Variants in HDAC9 observed in about 807,000 individuals in gnomAD.
HDAC9 encodes MEF-2 interacting transcription repressor (MITR) protein.
Under a neutral mutation model 139.4 loss-of-function variants are expected in HDAC9, and 41 were observed. That is an observed-to-expected ratio of 0.29 (90% CI 0.23 to 0.38). HDAC9 has a LOEUF of 0.38. Among genes scored for constraint, HDAC9 ranks in the 10% least tolerant of loss-of-function variants. HDAC9 has a pLI of 1.00. For synonymous variants in HDAC9, 517 were observed against 476.2 expected (o/e 1.09, Z -1.12); for missense variants, 1,147 against 1,297.0 (o/e 0.88, Z 1.78).
At chr7:18,351,064 T>A (rs1450176543) in intron 1 of HDAC9, among the ~76,000 whole-genome samples, 2 of 152,176 alleles carry the variant, frequency 1.3e-5, no homozygotes, top group Non-Finnish European at 2.9e-5. Flanking sequence ...TCCTCTTAAC[T>A]CCTTTTTTTC....
chr7:18,872,480 G>A (rs919002380), intron 21 of HDAC9, among the ~76,000 whole-genome samples: 3 of 152,122 alleles, frequency 2.0e-5, no homozygotes, highest in Non-Finnish European at 4.4e-5. Context: ...TAAGAAAAGG[G>A]CACTATAAAG....
chr7:18,982,428 CCTTA>C (rs1162393128), intron 25 of HDAC9, among the ~76,000 whole-genome samples: 2 of 152,150 alleles, frequency 1.3e-5, no homozygotes, highest in Middle Eastern at 3.4e-3. Flanking sequence ...ATAATTCCTG[CCTTA>C]CTTCTAACAT....
At chr7:18,857,216 CTG>C (rs1171461648) in intron 21 of HDAC9, among the ~76,000 whole-genome samples, 1 of 150,510 alleles carries the variant, frequency 6.6e-6, no homozygotes, top group East Asian at 1.9e-4. Flanking sequence ...TTTTTTTTAA[CTG>C]TGTTGCAGCA....
chr7:18,154,627 C>G (rs541095982), intron 1 of HDAC9, among the ~76,000 whole-genome samples: 1 of 152,150 alleles, frequency 6.6e-6, no homozygotes, highest in South Asian at 2.1e-4. Flanking sequence ...ACTTCCAGAC[C>G]GCCTAGCTAG....
chr7:18,389,982 G>A (rs187020730), intron 1 of HDAC9, among the ~76,000 whole-genome samples: 243 of 151,130 alleles, frequency 1.6e-3, no homozygotes, highest in African/African-American at 5.4e-3. Context: ...GCATCAATTA[G>A]TGTAGTTGTT....
At chr7:18,720,542 A>T (rs1031646428) in intron 12 of HDAC9, among the ~76,000 whole-genome samples, 3 of 151,778 alleles carry the variant, frequency 2.0e-5, no homozygotes, top group Admixed American at 6.6e-5. Flanking sequence ...TTTATCTATC[A>T]GTGAAATTAT....
chr7:18,792,836 C>A lies in HDAC9; in HGVS notation c.2215-509C>A, dbSNP rs557207069. ...GACTTGTGGTTGCTACTTTCTACTC[C>A]CTGACTGCTGCTGCTACCTGCCTAA... On this transcript the variant is annotated intron_variant, in intron 16 of 25. Coordinates refer to ENST00000686413, the MANE Select transcript of HDAC9 (RefSeq NM_178425.4). Among the ~76,000 whole-genome samples, 55 of 152,276 alleles carry A rather than the reference C, an allele frequency of 3.6e-4. No homozygotes were observed. The South Asian group carries it at 5.4e-3, about 15-fold the overall frequency.
chr7:18,521,462 T>C (rs1307700155), intron 2 of HDAC9, among the ~76,000 whole-genome samples: 1 of 152,196 alleles, frequency 6.6e-6, no homozygotes, highest in Non-Finnish European at 1.5e-5. Flanking sequence ...ACAGAATTTG[T>C]GTCCAGTCGT....
chr7:18,874,727 G>A (rs1444551254), intron 22 of HDAC9, 131 bp downstream of exon 22: 1 of 620,052 alleles, frequency 1.6e-6, no homozygotes, highest in Non-Finnish European at 2.9e-6. Context: ...TTCAGGTGGT[G>A]TTTATTGCTC....
chr7:18,298,531 G>A (rs1243843303), intron 1 of HDAC9, among the ~76,000 whole-genome samples: 1 of 151,804 alleles, frequency 6.6e-6, no homozygotes, highest in African/African-American at 2.4e-5. Context: ...GAGAATATGC[G>A]GTGTTTGGTT....
intron 22 of HDAC9, among the ~76,000 whole-genome samples, chr7:18,889,612 C>G (rs1208866888): frequency 6.6e-6 from 1 of 152,112 alleles, no homozygotes; most frequent in Non-Finnish European, 1.5e-5. Flanking sequence ...GATCAGCCTG[C>G]CAGACCAGTA....
chr7:18,373,414 CAG>C (rs1315862046), intron 1 of HDAC9, among the ~76,000 whole-genome samples: 8 of 151,870 alleles, frequency 5.3e-5, no homozygotes, highest in South Asian at 4.1e-4. Flanking sequence ...ATCTGTAAAA[CAG>C]GGGATAATAA....
At chr7:18,101,887 A>G (rs1049914429) in intron 1 of HDAC9, among the ~76,000 whole-genome samples, 18 of 152,210 alleles carry the variant, frequency 1.2e-4, no homozygotes, top group African/African-American at 4.3e-4. Context: ...TGGCTTTGAA[A>G]TAATGTACTC....
intron 13 of HDAC9, among the ~76,000 whole-genome samples, chr7:18,738,814 G>T (rs1285482227): frequency 6.6e-6 from 1 of 152,166 alleles, no homozygotes; most frequent in Non-Finnish European, 1.5e-5. Flanking sequence ...CCTGCCTTGT[G>T]AGGTTGGGGA....
chr7:18,806,138 C>T (rs1302200526), intron 17 of HDAC9, among the ~76,000 whole-genome samples: 1 of 152,116 alleles, frequency 6.6e-6, no homozygotes, highest in Non-Finnish European at 1.5e-5. Context: ...CAGATAAAAA[C>T]TAAAGAAAGA....
chr7:18,123,699 G>C (rs1752766895), intron 1 of HDAC9, among the ~76,000 whole-genome samples: 1 of 152,088 alleles, frequency 6.6e-6, no homozygotes, highest in Non-Finnish European at 1.5e-5. Context: ...CAGTATGAAG[G>C]CTAGGGCAGG....
chr7:18,394,922 A>G (rs1786881388), intron 1 of HDAC9, among the ~76,000 whole-genome samples: 1 of 152,162 alleles, frequency 6.6e-6, no homozygotes, highest in Non-Finnish European at 1.5e-5. Flanking sequence ...TTTTTCATTT[A>G]ACATAATTTA....
At chr7:18,697,937 A>G (rs1783174731) in intron 12 of HDAC9, among the ~76,000 whole-genome samples, 1 of 152,122 alleles carries the variant, frequency 6.6e-6, no homozygotes, top group African/African-American at 2.4e-5. Flanking sequence ...TTTTGATGGT[A>G]GTCATGGAAG....
chr7:18,593,860 G>T, intron 5 of HDAC9, 48 bp from the exon 6 acceptor site: 1 of 1,604,686 alleles, frequency 6.2e-7, no homozygotes, highest in Non-Finnish European at 8.5e-7. Context: ...TGACCAATAT[G>T]CAGTAAAAAC....
Sources: gnomAD v4.1 joint callset for allele counts (sites outside exome capture counted in the v4.1 genomes callset) on GRCh38, gnomAD v4.1.1 for gene constraint, MANE v1.5 for transcripts, NCBI Gene and HGNC (gene_info 2026-07-23, HGNC 2026-07-21) for gene names.